SLC25A46: variants seen among roughly 807,000 people sequenced by gnomAD.
SLC25A46 encodes mitochondrial outer membrane protein SLC25A46.
A neutral mutation model predicts 44.6 loss-of-function variants in SLC25A46; 39 were observed. The observed-to-expected ratio is 0.87, with a 90% CI of 0.68 to 1.14. The LOEUF is 1.14. Ranked by LOEUF, SLC25A46 falls within the 50% of genes most tolerant of loss-of-function variation. The pLI is 0.00. For synonymous variants in SLC25A46, 202 were observed against 185.8 expected, an observed-to-expected ratio of 1.09 and a Z score of -0.71; for missense variants, 547 against 522.7, an observed-to-expected ratio of 1.05 and a Z score of -0.45.
Position 110,746,336 on chromosome 5 carries a change from A to G in SLC25A46, c.452A>G (p.Asn151Ser), listed in dbSNP as rs745351270. The G allele has an allele frequency of 6.3e-7, 1 of 1,585,490 alleles. No individual in the cohort carries two copies. Among genetic ancestry groups the G allele is most frequent in the African/African-American group, 1.4e-5 (1 of 72,282 alleles). The change falls in exon 4 of 8, where the codon AAC (asparagine) becomes AGC (serine). Residue 151 changes from asparagine to serine, a missense_variant. Asn to Ser is a conservative substitution (Grantham distance 46). Transcript: ENST00000355943. The part of the protein sequence containing the change: ...FTVINIMYSF[N>S]KTQGPRALWK... ...GTCATCAATATTATGTACAGTTTCAACAAAACTCAGGTGAGAATTTTGTCT... is the reference window on the plus strand; with the variant it reads ...GTCATCAATATTATGTACAGTTTCAGCAAAACTCAGGTGAGAATTTTGTCT...
intron 4 of SLC25A46, 93 bp from the exon 5 acceptor site, chr5:110,748,070 G>C (rs1309143539): frequency 2.6e-6 from 2 of 767,996 alleles, no homozygotes; most frequent in Admixed American, 2.3e-5. Flanking sequence ...ATGTTTTATT[G>C]GAAAATGTCT....
intron 4 of SLC25A46, among the ~76,000 whole-genome samples, chr5:110,747,221 C>T (rs1799844867): frequency 1.3e-5 from 2 of 152,258 alleles, no homozygotes; most frequent in Admixed American, 1.3e-4. Context: ...ATGTCCATCA[C>T]TAGGGTACCA....
At chr5:110,741,676 T>C (rs1454861917) in intron 1 of SLC25A46, 1 of 161,218 alleles carries the variant, frequency 6.2e-6, no homozygotes, top group Admixed American at 6.4e-5. Context: ...GACAATGTGT[T>C]AACAGTTTTT....
intron 1 of SLC25A46, 114 bp from the exon 2 acceptor site, chr5:110,741,933 G>T: frequency 1.4e-6 from 1 of 694,936 alleles, no homozygotes; most frequent in African/African-American, 1.9e-5. Context: ...AGGTTTAAAT[G>T]AACAGCAGGT....
rs1462792941 is a variant in SLC25A46, at chr5:110,739,367, G to C, written c.248G>C (p.Ser83Thr). 2 of 1,554,360 alleles carry C rather than the reference G, an allele frequency of 1.3e-6. No individual in the cohort carries two copies. The highest frequency in any genetic ancestry group is 2.7e-5 in the African/African-American group (2 of 73,958). Residue 83 changes from serine (S) to threonine (T), a missense_variant, in exon 1 of 8, where the codon AGT (serine) becomes ACT (threonine). Physicochemically the swap from Ser to Thr is moderately conservative, Grantham distance 58. Coordinates refer to ENST00000355943, the MANE Select transcript of SLC25A46 (RefSeq NM_138773.4). Reference protein sequence around the residue: ...YEGPTEEPFSSGGGGSVQGQS... With the variant: ...YEGPTEEPFSTGGGGSVQGQS... ...GGCCCCACGGAGGAACCCTTTTCCA[G>C]TGGCGGCGGCGGCAGTGTGCAGGGG... is the stretch of plus-strand genomic sequence containing the variant.
At chr5:110,738,856 T>C, upstream of SLC25A46, 2 of 721,524 alleles carry the variant, frequency 2.8e-6, no homozygotes, top group Non-Finnish European at 4.3e-6. Flanking sequence ...CCCACAACCA[T>C]ATTCCCACCT....
chr5:110,756,841 T>G (rs922791698), intron 7 of SLC25A46, 82 bp downstream of exon 7: 5 of 911,450 alleles, frequency 5.5e-6, no homozygotes, highest in Non-Finnish European at 7.8e-6. Flanking sequence ...ATCTAACATT[T>G]CAGCAGAAAA....
At chr5:110,741,093 A>C (rs1299914303) in intron 1 of SLC25A46, among the ~76,000 whole-genome samples, 1 of 152,220 alleles carries the variant, frequency 6.6e-6, no homozygotes, top group Non-Finnish European at 1.5e-5. Context: ...TCTGATTGAA[A>C]GGGAATAGTG....
At chr5:110,759,585 T>A (rs1469833418) in intron 7 of SLC25A46, among the ~76,000 whole-genome samples, 1 of 111,596 alleles carries the variant, frequency 9.0e-6, no homozygotes, top group East Asian at 2.7e-4. Context: ...GAAGCTGTTA[T>A]GGTTGGTGCT....
At chr5:110,750,228 C>T (rs1179012594) in intron 5 of SLC25A46, among the ~76,000 whole-genome samples, 1 of 122,630 alleles carries the variant, frequency 8.2e-6, no homozygotes. Context: ...AGGTCAGCAA[C>T]ATTTGGGCAG....
chr5:110,746,212 C>A, intron 3 of SLC25A46, 57 bp from the exon 4 acceptor site: 1 of 1,304,346 alleles, frequency 7.7e-7, no homozygotes, highest in Non-Finnish European at 1.1e-6. Context: ...TTTCATGGCT[C>A]TGTTATTTCT....
chr5:110,762,018 G>A lies in SLC25A46; in HGVS notation c.*236G>A, dbSNP rs1800267103. On this transcript the variant is annotated 3_prime_UTR_variant, in exon 8 of 8. Transcript: ENST00000355943. ...AATAACACTTATTAAATTCTAGTTA[G>A]TGTAGCACTCATGCTGAAGTAAACA... 2.7e-6 allele frequency: 1 copy of A among 370,284 alleles called. No individual in the cohort carries two copies. Among genetic ancestry groups the A allele is most frequent in the African/African-American group, 2.1e-5 (1 of 47,890 alleles). The allele number at this position is 370,284 out of a possible 1,614,324, so 22.9% of individuals were successfully genotyped here.
chr5:110,756,762 G>T lies in SLC25A46; in HGVS notation c.678+3G>T. 1 of 1,523,550 alleles carries T rather than the reference G, an allele frequency of 6.6e-7. No individual in the cohort carries two copies. Among genetic ancestry groups the T allele is most frequent in the Non-Finnish European group, 8.8e-7 (1 of 1,141,964 alleles). 94.4% of individuals were successfully genotyped at this position (1,523,550 alleles called of 1,614,324 possible). On this transcript the variant is annotated splice_donor_region_variant and intron_variant, in intron 7 of 7. Transcript: ENST00000355943. ...CAAGTCTGATTGAAACAGTGCAGGT[G>T]AGCTTTTTTTTACTGTCATTTTTTT...
chr5:110,739,552 GC>G (rs1293528661), intron 1 of SLC25A46, 150 bp downstream of exon 1: 3 of 1,101,196 alleles, frequency 2.7e-6, no homozygotes, highest in Non-Finnish European at 3.7e-6. Flanking sequence ...TTGGTCCTCT[GC>G]CCCTGAGGCT....
intron 7 of SLC25A46, among the ~76,000 whole-genome samples, chr5:110,760,386 A>G (rs1030804641): frequency 5.3e-5 from 8 of 152,058 alleles, no homozygotes; most frequent in African/African-American, 1.7e-4. Context: ...CCTTTGCACA[A>G]CAGCCAGTAT....
Position 110,761,612 on chromosome 5 carries a change from A to C in SLC25A46, c.1087A>C (p.Asn363His). 6 of 1,613,742 alleles carry C rather than the reference A, an allele frequency of 3.7e-6. No individual in the cohort carries two copies. The highest frequency in any genetic ancestry group is 5.1e-6 in the Non-Finnish European group (6 of 1,179,740). Residue 363 changes from asparagine (N) to histidine (H), a missense_variant, in exon 8 of 8, where the codon AAT (asparagine) becomes CAT (histidine). Physicochemically the swap from Asn to His is moderately conservative, Grantham distance 68 (BLOSUM62 1). Transcript: ENST00000355943. The surrounding 1 kb of genome is among the most constrained non-coding windows in gnomAD (Gnocchi z 5.3). Reference sequence around the variant, plus strand: ...CCTTGGCTATGAAGTGCTTCCAATTAATACACAATATGAGGGAATGAGAGA... The same window carrying C: ...CCTTGGCTATGAAGTGCTTCCAATTCATACACAATATGAGGGAATGAGAGA... ...TDLGYEVLPI[N>H]TQYEGMRDCI...
intron 7 of SLC25A46, among the ~76,000 whole-genome samples, chr5:110,757,315 C>T (rs1295522525): frequency 1.3e-5 from 2 of 152,136 alleles, no homozygotes; most frequent in African/African-American, 4.8e-5. Context: ...TTCCTAACCA[C>T]ATGGTGGCGC....
intron 4 of SLC25A46, among the ~76,000 whole-genome samples, chr5:110,746,859 T>G (rs1799832862): frequency 1.3e-5 from 2 of 152,042 alleles, no homozygotes; most frequent in Non-Finnish European, 2.9e-5. Flanking sequence ...GATCATAATG[T>G]TTGGGAATGG....
chr5:110,743,346 G>T (rs1235421019), intron 2 of SLC25A46, among the ~76,000 whole-genome samples: 1 of 152,042 alleles, frequency 6.6e-6, no homozygotes, highest in African/African-American at 2.4e-5. Flanking sequence ...CTGCTGATAG[G>T]AATTCTGTTA....
Sources: gnomAD v4.1 joint callset for allele counts (sites outside exome capture counted in the v4.1 genomes callset) on GRCh38, gnomAD v4.1.1 for gene constraint, Gnocchi (gnomAD v3.1) non-coding constraint, MANE v1.5 for transcripts, NCBI Gene and HGNC (gene_info 2026-07-23, HGNC 2026-07-21) for gene names.